Variants in SPOCK3 observed in about 807,000 individuals in gnomAD.
SPOCK3 encodes SPARC (osteonectin), cwcv and kazal like domains proteoglycan 3.
SPOCK3 carries 30 observed loss-of-function variants against 56.6 expected under a neutral mutation model. That is an observed-to-expected ratio of 0.53 (90% CI 0.40 to 0.72). The LOEUF is 0.72. Ranked by LOEUF, SPOCK3 falls within the 30% of genes least tolerant of loss-of-function variation. SPOCK3 has a pLI of 0.00. For synonymous variants in SPOCK3, 196 were observed against 183.3 expected (o/e 1.07, Z -0.56); for missense variants, 527 against 530.0 (o/e 0.99, Z 0.06).
intron 2 of SPOCK3, among the ~76,000 whole-genome samples, chr4:167,192,429 TGA>T (rs1446275665): frequency 6.9e-6 from 1 of 145,976 alleles, no homozygotes; most frequent in African/African-American, 2.6e-5. Flanking sequence ...TTTTATTTGT[TGA>T]GAGACTTTTT....
intron 3 of SPOCK3, among the ~76,000 whole-genome samples, chr4:167,002,807 A>G (rs1228792136): frequency 6.6e-6 from 1 of 152,186 alleles, no homozygotes; most frequent in Non-Finnish European, 1.5e-5. Flanking sequence ...GAAGACATTA[A>G]AAGTGTTTTG....
At chr4:166,831,123 C>A (rs1159634705) in intron 6 of SPOCK3, among the ~76,000 whole-genome samples, 1 of 152,044 alleles carries the variant, frequency 6.6e-6, no homozygotes, top group Non-Finnish European at 1.5e-5. Flanking sequence ...GTAGAATCTA[C>A]TGAAAAATTG....
intron 2 of SPOCK3, among the ~76,000 whole-genome samples, chr4:167,111,856 C>T (rs539392057): frequency 2.0e-5 from 3 of 151,894 alleles, no homozygotes; most frequent in Non-Finnish European, 2.9e-5. Flanking sequence ...TTCTCAGGCT[C>T]AGGTGATTCT....
At chr4:166,890,831 C>G (rs1734694034) in intron 5 of SPOCK3, among the ~76,000 whole-genome samples, 1 of 151,908 alleles carries the variant, frequency 6.6e-6, no homozygotes, top group African/African-American at 2.4e-5. Flanking sequence ...TCTCGTTGAT[C>G]TGTCTAAGAT....
At chr4:167,096,526 G>T (rs1232844298) in intron 2 of SPOCK3, among the ~76,000 whole-genome samples, 1 of 151,670 alleles carries the variant, frequency 6.6e-6, no homozygotes, top group East Asian at 1.9e-4. Context: ...ATGTGATTTA[G>T]AAGTGTGTTC....
chr4:166,754,724 C>T lies in SPOCK3; in HGVS notation c.715G>A (p.Asp239Asn), dbSNP rs775706114. The change falls in exon 8 of 11, where the codon GAT (aspartate) becomes AAT (asparagine). Residue 239 changes from aspartate to asparagine, a missense_variant. Transcript: ENST00000357545. ...TLLRPERSRF[D>N]TSILPICKDS... ...TTGCAAATTGGCAAGATGCTGGTAT[C>T]GAATCCTAAAGGCAAAAAAAAGAAA... 20 of 1,612,316 alleles carry T rather than the reference C, an allele frequency of 1.2e-5. No homozygotes were observed. The highest frequency in any genetic ancestry group is 3.3e-5 in the South Asian group (3 of 90,892).
intron 2 of SPOCK3, among the ~76,000 whole-genome samples, chr4:167,172,531 G>T (rs548250140): frequency 6.6e-6 from 1 of 152,056 alleles, no homozygotes; most frequent in Admixed American, 6.6e-5. Flanking sequence ...GTTCACATTA[G>T]TATATATAGA....
intron 2 of SPOCK3, among the ~76,000 whole-genome samples, chr4:167,082,901 AAGAG>A (rs201543940): frequency 2.7e-5 from 4 of 149,678 alleles, no homozygotes; most frequent in Non-Finnish European, 6.0e-5. Flanking sequence ...GAGAGAGAGA[AAGAG>A]AGAGAGAGAG....
At chr4:167,057,804 A>G (rs1387560071) in intron 3 of SPOCK3, among the ~76,000 whole-genome samples, 2 of 152,204 alleles carry the variant, frequency 1.3e-5, no homozygotes, top group Admixed American at 6.5e-5. Flanking sequence ...TGAGTGACGT[A>G]CAAAGAGACT....
intron 3 of SPOCK3, among the ~76,000 whole-genome samples, chr4:167,036,945 AT>A (rs541409830): frequency 1.6e-4 from 24 of 152,086 alleles, no homozygotes; most frequent in Non-Finnish European, 2.2e-4. Flanking sequence ...CCTGGGTGAG[AT>A]TTTGGATCTA....
intron 6 of SPOCK3, among the ~76,000 whole-genome samples, chr4:166,882,513 G>T (rs1733784771): frequency 6.6e-6 from 1 of 152,084 alleles, no homozygotes; most frequent in Non-Finnish European, 1.5e-5. Context: ...TTTGTAAATA[G>T]TTGTCTTAAA....
intron 2 of SPOCK3, among the ~76,000 whole-genome samples, chr4:167,193,860 T>C (rs1706486451): frequency 6.8e-6 from 1 of 146,280 alleles, no homozygotes; most frequent in South Asian, 2.1e-4. Flanking sequence ...TTCTTTAGAT[T>C]GACTTTGCAT....
chr4:167,000,973 C>G (rs1213068021), intron 3 of SPOCK3, among the ~76,000 whole-genome samples: 1 of 152,164 alleles, frequency 6.6e-6, no homozygotes, highest in Non-Finnish European at 1.5e-5. Context: ...ATGAATATAT[C>G]ATAGTAAGAA....
At chr4:166,950,791 C>T (rs1484354814) in intron 4 of SPOCK3, among the ~76,000 whole-genome samples, 7 of 149,924 alleles carry the variant, frequency 4.7e-5, no homozygotes, top group Non-Finnish European at 1.0e-4. Flanking sequence ...TCACTCAAAA[C>T]CGCTCAACTA....
At chr4:166,896,591 A>C (rs972981550) in intron 5 of SPOCK3, among the ~76,000 whole-genome samples, 1 of 152,188 alleles carries the variant, frequency 6.6e-6, no homozygotes, top group African/African-American at 2.4e-5. Context: ...GATGTGTTCC[A>C]GGCTCATGGC....
intron 4 of SPOCK3, among the ~76,000 whole-genome samples, chr4:166,926,591 G>A (rs574166944): frequency 6.6e-6 from 1 of 152,070 alleles, no homozygotes; most frequent in African/African-American, 2.4e-5. Flanking sequence ...TTCTTTGACA[G>A]AATTTTAAAA....
intron 2 of SPOCK3, among the ~76,000 whole-genome samples, chr4:167,139,217 A>G (rs1485739280): frequency 6.6e-6 from 1 of 152,088 alleles, no homozygotes; most frequent in Non-Finnish European, 1.5e-5. Flanking sequence ...GAAGCTGAGC[A>G]TATAAATGTG....
chr4:167,165,232 G>A (rs892710888), intron 2 of SPOCK3, among the ~76,000 whole-genome samples: 12 of 152,210 alleles, frequency 7.9e-5, no homozygotes, highest in African/African-American at 2.6e-4. Context: ...AAACTAAAGA[G>A]CTTCTGCACA....
chr4:166,745,068 G>A lies in SPOCK3; in HGVS notation c.932-3009C>T, dbSNP rs147966387. 1.3e-4 allele frequency among the ~76,000 whole-genome samples: 20 copies of A among 152,298 alleles called. No individual in the cohort carries two copies. The East Asian group carries it at 3.9e-3, about 29-fold the overall frequency. Reference sequence around the variant, plus strand: ...AACCAAGTTGGAAAACACTCTGCACGATATTAACCAGGAGAACTTCCCCAA... The same window carrying A: ...AACCAAGTTGGAAAACACTCTGCACAATATTAACCAGGAGAACTTCCCCAA... On this transcript the variant is annotated intron_variant, in intron 8 of 10. Coordinates refer to ENST00000357545, the MANE Select transcript of SPOCK3 (RefSeq NM_001040159.2).
Sources: gnomAD v4.1 joint callset for allele counts (sites outside exome capture counted in the v4.1 genomes callset) on GRCh38, gnomAD v4.1.1 for gene constraint, MANE v1.5 for transcripts, NCBI Gene and HGNC (gene_info 2026-07-23, HGNC 2026-07-21) for gene names.